ARHGEF33: variants seen among roughly 807,000 people sequenced by gnomAD.
ARHGEF33 encodes Rho guanine nucleotide exchange factor 33, also known as DH and coiled-coil domain-containing protein ENSP00000381780.
In ARHGEF33, 72 loss-of-function variants were observed where a neutral mutation model predicts 101.9. The ratio of observed to expected loss-of-function variants is 0.71; its 90% CI spans 0.58 to 0.86. ARHGEF33 has a LOEUF of 0.86. Ranked by LOEUF, ARHGEF33 falls within the 40% of genes least tolerant of loss-of-function variation. The pLI, the probability that ARHGEF33 is intolerant of heterozygous loss-of-function variation, is 0.00. For synonymous variants in ARHGEF33, 499 were observed against 442.5 expected (o/e 1.13, Z -1.60); for missense variants, 1,169 against 1,111.3 (o/e 1.05, Z -0.74).
At chr2:38,893,283 C>G (rs1401122702) in intron 1 of ARHGEF33, among the ~76,000 whole-genome samples, 1 of 152,052 alleles carries the variant, frequency 6.6e-6, no homozygotes, top group East Asian at 1.9e-4. Context: ...CTGCCTCAGC[C>G]TCCTGAGTAG....
intron 13 of ARHGEF33, among the ~76,000 whole-genome samples, chr2:38,955,506 TG>T (rs1449645706): frequency 7.1e-6 from 1 of 139,946 alleles, no homozygotes; most frequent in African/African-American, 2.7e-5. Flanking sequence ...TTTTTTTTTT[TG>T]AGTCAGGGTC....
chr2:38,969,968 C>T (rs184883457), intron 17 of ARHGEF33, among the ~76,000 whole-genome samples: 1 of 152,270 alleles, frequency 6.6e-6, no homozygotes, highest in East Asian at 1.9e-4. Context: ...TCTTGCAACA[C>T]TTAATGTTAA....
chr2:38,943,223 C>T (rs942271523), intron 9 of ARHGEF33, among the ~76,000 whole-genome samples: 7 of 152,326 alleles, frequency 4.6e-5, no homozygotes, highest in Admixed American at 1.3e-4. Flanking sequence ...CCACCATGTC[C>T]GGCTGATAGC....
intron 9 of ARHGEF33, among the ~76,000 whole-genome samples, chr2:38,941,673 G>T (rs535441223): frequency 9.2e-5 from 14 of 151,436 alleles, no homozygotes; most frequent in African/African-American, 3.4e-4. Context: ...TCAGCCTCCC[G>T]AGTAGCTGGG....
chr2:38,959,752 A>G, intron 15 of ARHGEF33, 89 bp from the exon 16 acceptor site: 1 of 1,352,574 alleles, frequency 7.4e-7, no homozygotes, highest in Non-Finnish European at 9.9e-7. Flanking sequence ...GGCGCCTCGG[A>G]GCGCGGCCCC....
chr2:38,966,125 C>T lies in ARHGEF33; in HGVS notation c.2463C>T (p.Phe821=). The change falls in exon 17 of 18, where the codon TTC becomes TTT. Residue 821 remains phenylalanine (F), a synonymous_variant. Coordinates refer to ENST00000409978, the MANE Select transcript of ARHGEF33 (RefSeq NM_001145451.5). Reference sequence around the variant, plus strand: ...AGAAGGGGGGCTTTCGCAGCTCCTTCCGCAAGCTCTTTAAAAAGAAGTGAG... The same window carrying T: ...AGAAGGGGGGCTTTCGCAGCTCCTTTCGCAAGCTCTTTAAAAAGAAGTGAG... ...QDQKGGFRSS[F]RKLFKKKSSG... 1.3e-6 allele frequency: 2 copies of T among 1,551,678 alleles called. No individual in the cohort carries two copies. Among genetic ancestry groups the T allele is most frequent in the Non-Finnish European group, 1.7e-6 (2 of 1,146,988 alleles).
At chr2:38,915,572 A>G (rs563829547) in intron 2 of ARHGEF33, among the ~76,000 whole-genome samples, 3 of 151,762 alleles carry the variant, frequency 2.0e-5, no homozygotes, top group African/African-American at 4.8e-5. Context: ...GGGTTTCACC[A>G]TGTTGGCCAG....
chr2:38,961,838 G>C (rs1205328694), intron 16 of ARHGEF33, among the ~76,000 whole-genome samples: 1 of 151,864 alleles, frequency 6.6e-6, no homozygotes, highest in Non-Finnish European at 1.5e-5. Flanking sequence ...TTGAATGTCC[G>C]AATTAGATTG....
At chr2:38,953,825 C>T (rs975826054) in intron 12 of ARHGEF33, among the ~76,000 whole-genome samples, 9 of 152,210 alleles carry the variant, frequency 5.9e-5, no homozygotes, top group African/African-American at 2.2e-4. Context: ...TTCAACCCCC[C>T]ACTACTCCCA....
chr2:38,943,791 GTT>G (rs11323587), intron 9 of ARHGEF33, 108 bp from the exon 10 acceptor site: 135 of 944,646 alleles, frequency 1.4e-4, no homozygotes, highest in East Asian at 5.8e-4. Flanking sequence ...CTTGCAGATG[GTT>G]TTTTTTTTAT....
chr2:38,951,440 T>C (rs1667601417), intron 11 of ARHGEF33, among the ~76,000 whole-genome samples: 1 of 152,168 alleles, frequency 6.6e-6, no homozygotes, highest in Admixed American at 6.5e-5. Flanking sequence ...TGTGTGTATG[T>C]ATTGTGTGTG....
At chr2:38,947,640 C>T (rs1481476163) in intron 10 of ARHGEF33, among the ~76,000 whole-genome samples, 2 of 152,190 alleles carry the variant, frequency 1.3e-5, no homozygotes, top group Non-Finnish European at 2.9e-5. Flanking sequence ...GTCGAAGGAT[C>T]ACAGAAGTTG....
chr2:38,963,206 A>G (rs531975444), intron 16 of ARHGEF33, among the ~76,000 whole-genome samples: 2 of 152,230 alleles, frequency 1.3e-5, no homozygotes, highest in South Asian at 4.2e-4. Context: ...ATGGTGTTTT[A>G]GTTGCAAAAG....
chr2:38,952,304 A>G (rs181863259), intron 11 of ARHGEF33, among the ~76,000 whole-genome samples: 1 of 152,144 alleles, frequency 6.6e-6, no homozygotes, highest in Non-Finnish European at 1.5e-5. Context: ...TATCATTTTT[A>G]CTCACTTGTG....
chr2:38,910,106 C>A (rs969485332), intron 2 of ARHGEF33, among the ~76,000 whole-genome samples: 8 of 152,016 alleles, frequency 5.3e-5, no homozygotes, highest in African/African-American at 1.4e-4. Context: ...TTTATAGAAC[C>A]TTCCTGTGAT....
At chr2:38,923,419 G>T (rs1666804129) in intron 4 of ARHGEF33, among the ~76,000 whole-genome samples, 1 of 152,142 alleles carries the variant, frequency 6.6e-6, no homozygotes, top group East Asian at 1.9e-4. Flanking sequence ...GAGGGCACCA[G>T]AAGCAAAATA....
At position 38,937,473 on chromosome 2, in the gene ARHGEF33, C is replaced by G; in HGVS notation, c.704C>G (p.Thr235Arg). Residue 235 changes from threonine (T) to arginine (R), a missense_variant, in exon 9 of 18, where the codon ACA (threonine) becomes AGA (arginine). Transcript: ENST00000409978. ...DGKEWGEEYV[T>R]KDHPDKLKEA... ...AAAGAATGGGGTGAAGAATACGTCA[C>G]AAAAGACCACCCAGATAAACTCAAG... 1.4e-5 allele frequency: 21 copies of G among 1,550,846 alleles called. No homozygotes were observed. Among genetic ancestry groups the G allele is most frequent in the Non-Finnish European group, 1.8e-5 (21 of 1,146,526 alleles).
chr2:38,916,533 G>T (rs141496181), intron 2 of ARHGEF33, among the ~76,000 whole-genome samples: 197 of 152,274 alleles, frequency 1.3e-3, no homozygotes, highest in African/African-American at 4.4e-3. Context: ...AATGAAAAAA[G>T]ATTCAAGATA....
At chr2:38,964,998 A>G (rs1327290257) in intron 16 of ARHGEF33, among the ~76,000 whole-genome samples, 1 of 151,874 alleles carries the variant, frequency 6.6e-6, no homozygotes, top group African/African-American at 2.4e-5. Flanking sequence ...ATCTCAGAGA[A>G]TTTCTGTATC....
Sources: allele counts gnomAD v4.1 joint callset (sites outside exome capture counted in the v4.1 genomes callset), GRCh38; gene constraint gnomAD v4.1.1; transcripts MANE v1.5; gene names NCBI Gene and HGNC (gene_info 2026-07-23, HGNC 2026-07-21).